The following RPH3AL variants were observed in gnomAD, a reference collection of about 807,000 sequenced individuals.
The protein encoded by RPH3AL is rab effector Noc2.
A neutral mutation model predicts 43.1 loss-of-function variants in RPH3AL; 38 were observed. That is an observed-to-expected ratio of 0.88 (90% CI 0.68 to 1.15). The LOEUF is 1.15. Ranked by LOEUF, RPH3AL falls within the 50% of genes most tolerant of loss-of-function variation. The probability of loss-of-function intolerance (pLI) is 0.00; values close to 1 mark genes in which losing one functional copy is unlikely to be tolerated. For missense variants in RPH3AL, 462 were observed against 423.2 expected, an observed-to-expected ratio of 1.09 and a Z score of -0.81; for synonymous variants, 189 against 176.3, an observed-to-expected ratio of 1.07 and a Z score of -0.57.
Position 245,267 on chromosome 17 carries a change from A to G in RPH3AL, c.613+1844T>C, listed in dbSNP as rs1394996843. 8.8e-6 allele frequency among the ~76,000 whole-genome samples: 1 copy of G among 113,430 alleles called. No homozygotes were observed. Among genetic ancestry groups the G allele is most frequent in the African/African-American group, 3.4e-5 (1 of 29,296 alleles). The allele number at this position is 113,430 out of a possible 152,430, so 74.4% of individuals were successfully genotyped here. ...TGAGAGCATGTGTGTGTGCACGTGG[A>G]TGTCAGTGTGTGTGTACGTGGGTGT... is the stretch of plus-strand genomic sequence containing the variant. On this transcript the variant is annotated intron_variant, in intron 7 of 9. Transcript: ENST00000331302. The surrounding 1 kb of genome is among the most constrained non-coding windows in gnomAD (Gnocchi z 5.9).
At position 217,181 on chromosome 17, in the gene RPH3AL, T is replaced by G. The variant is rs561413322; in HGVS notation, c.728-1379A>C. Among the ~76,000 whole-genome samples the G allele has an allele frequency of 2.9e-3, 425 of 146,658 alleles. 2 individuals are homozygous for G. The highest frequency in any genetic ancestry group is 0.01 in the African/African-American group (393 of 38,274). Reference sequence around the variant, plus strand: ...TTATTACAGAGCCCTTCTTCTGCGCTAAAATTGGCCTCACTGAAATCAGGA... The same window carrying G: ...TTATTACAGAGCCCTTCTTCTGCGCGAAAATTGGCCTCACTGAAATCAGGA... On this transcript the variant is annotated intron_variant, in intron 8 of 9. Transcript: ENST00000331302.
chr17:289,649 G>A lies in RPH3AL; in HGVS notation c.352-7795C>T, dbSNP rs1260522789. On this transcript the variant is annotated intron_variant, in intron 5 of 9. Coordinates refer to ENST00000331302, the MANE Select transcript of RPH3AL (RefSeq NM_006987.4). The surrounding 1 kb of genome is among the most constrained non-coding windows in gnomAD (Gnocchi z 5.2). ...GGGTGACCACCGCCTCACTTCATACGGCATTCGGGCCGGCCCTGCCTCCTG... is the reference window on the plus strand; with the variant it reads ...GGGTGACCACCGCCTCACTTCATACAGCATTCGGGCCGGCCCTGCCTCCTG... 5.9e-5 allele frequency among the ~76,000 whole-genome samples: 9 copies of A among 152,162 alleles called. No individual in the cohort carries two copies. The highest frequency in any genetic ancestry group is 1.5e-5 in the Non-Finnish European group (1 of 68,028).
chr17:332,871 A>C, intron 2 of RPH3AL: 1 of 566,722 alleles, frequency 1.8e-6, no homozygotes, highest in South Asian at 1.9e-5. Context: ...TGGCCGGCCC[A>C]GCAGGCAGAT....
chr17:305,892 T>C (rs1270578427), intron 5 of RPH3AL, among the ~76,000 whole-genome samples: 2 of 139,614 alleles, frequency 1.4e-5, no homozygotes, highest in African/African-American at 5.3e-5. Flanking sequence ...TCACCCAGGC[T>C]GGAGTTCAGT....
At chr17:338,737 G>A (rs2045029710) in intron 1 of RPH3AL, 1 of 152,220 alleles carries the variant, frequency 6.6e-6, no homozygotes. Context: ...GTCCCAGGCA[G>A]GCAGAATCTT....
rs528390317 is a variant in RPH3AL, at chr17:307,476, C to T, written c.351+11944G>A. ...TCTGCCCCACGCTCATCCCTGCCTT[C>T]TACTTCTACAGCACTCCTCACACTG... On this transcript the variant is annotated intron_variant, in intron 5 of 9. Transcript: ENST00000331302. Among the ~76,000 whole-genome samples, 8 of 152,360 alleles carry T rather than the reference C, an allele frequency of 5.3e-5. No homozygotes were observed. The East Asian group carries it at 1.3e-3, about 26-fold the overall frequency.
At chr17:261,346 C>T (rs1277998218) in intron 6 of RPH3AL, among the ~76,000 whole-genome samples, 2 of 152,182 alleles carry the variant, frequency 1.3e-5, no homozygotes, top group Non-Finnish European at 2.9e-5. Flanking sequence ...GGAGAATGTG[C>T]TTCCTCTCTC....
chr17:321,271 C>T lies in RPH3AL; in HGVS notation c.221+1G>A. The T allele has an allele frequency of 6.2e-7, 1 of 1,606,194 alleles. No individual in the cohort carries two copies. Among genetic ancestry groups the T allele is most frequent in the South Asian group, 1.1e-5 (1 of 90,942 alleles). ...CTGAGCTGGCCCCGGCCCCGCCTCA[C>T]CCGATTCTCTGCTGCTCCAGGACGT... On this transcript the variant is annotated splice_donor_variant, in intron 4 of 9. Coordinates refer to ENST00000331302, the MANE Select transcript of RPH3AL (RefSeq NM_006987.4). LOFTEE classifies it high-confidence loss of function.
chr17:327,979 G>T (rs2044657548), intron 2 of RPH3AL, among the ~76,000 whole-genome samples: 1 of 152,160 alleles, frequency 6.6e-6, no homozygotes, highest in Admixed American at 6.5e-5. Flanking sequence ...GAGGGGCTGG[G>T]CTGGGGGGTG....
intron 5 of RPH3AL, among the ~76,000 whole-genome samples, chr17:318,079 C>G (rs73284693): frequency 0.097 from 14,740 of 152,128 alleles, 1,516 homozygotes; most frequent in African/African-American, 0.26. Flanking sequence ...ATAATAACTC[C>G]AGTCTTAAAA....
chr17:333,178 A>G lies in RPH3AL; in HGVS notation c.-37+581T>C. 1.7e-6 allele frequency: 2 copies of G among 1,159,092 alleles called. No homozygotes were observed. Among genetic ancestry groups the G allele is most frequent in the Non-Finnish European group, 2.2e-6 (2 of 912,846 alleles). The allele number at this position is 1,159,092 out of a possible 1,614,324, so 71.8% of individuals were successfully genotyped here. A position where few individuals can be genotyped will look rare whatever the true frequency, so the allele number is the denominator to read the frequency against. On this transcript the variant is annotated intron_variant, in intron 2 of 9. Coordinates refer to ENST00000331302, the MANE Select transcript of RPH3AL (RefSeq NM_006987.4). The surrounding 1 kb of genome is among the most constrained non-coding windows in gnomAD (Gnocchi z 4.5). ...CCACCCCGGGCGTTCGTCACTGCAG[A>G]CATCACTGCAGACACAGAGAAGGCC...
intron 5 of RPH3AL, among the ~76,000 whole-genome samples, chr17:308,139 G>A (rs957162350): frequency 2.6e-5 from 4 of 152,248 alleles, no homozygotes; most frequent in Admixed American, 2.6e-4. Context: ...ATTAGGTCAA[G>A]AGGAGAAAGG....
intron 3 of RPH3AL, among the ~76,000 whole-genome samples, chr17:324,122 G>A (rs1258588440): frequency 6.6e-6 from 1 of 152,200 alleles, no homozygotes; most frequent in Non-Finnish European, 1.5e-5. Context: ...AACGAGGTGC[G>A]GAACGTAGCT....
intron 7 of RPH3AL, among the ~76,000 whole-genome samples, chr17:227,201 G>A (rs185282457): frequency 1.9e-3 from 296 of 152,354 alleles, no homozygotes; most frequent in African/African-American, 6.6e-3. Context: ...CCTCAGCAGT[G>A]GCCAGCCCCA....
At position 219,743 on chromosome 17, in the gene RPH3AL, G is replaced by T. The variant is rs751662355; in HGVS notation, c.614-7C>A. On this transcript the variant is annotated splice_polypyrimidine_tract_variant and splice_region_variant and intron_variant, in intron 7 of 9. Coordinates refer to ENST00000331302, the MANE Select transcript of RPH3AL (RefSeq NM_006987.4). ...TCACTGTCACTGGAAACCACTGGAA[G>T]AGACAGACCACAGCACAGGAGGTCA... The T allele has an allele frequency of 7.5e-6, 12 of 1,607,674 alleles. No individual in the cohort carries two copies. Among genetic ancestry groups the T allele is most frequent in the Non-Finnish European group, 8.5e-6 (10 of 1,174,528 alleles).
intron 7 of RPH3AL, among the ~76,000 whole-genome samples, chr17:233,548 C>T (rs923836129): frequency 4.6e-5 from 7 of 152,146 alleles, no homozygotes; most frequent in Non-Finnish European, 7.4e-5. Context: ...AGTACAGTCA[C>T]ACAGACGTGA....
intron 7 of RPH3AL, among the ~76,000 whole-genome samples, chr17:232,827 G>A (rs1009412137): frequency 5.4e-5 from 7 of 130,180 alleles, no homozygotes; most frequent in African/African-American, 1.8e-4. Context: ...AGTCCTTTCC[G>A]GCGTGTGTGT....
intron 5 of RPH3AL, among the ~76,000 whole-genome samples, chr17:291,072 G>A (rs972350309): frequency 2.0e-5 from 3 of 152,234 alleles, no homozygotes; most frequent in East Asian, 1.9e-4. Context: ...GAAAACGTAC[G>A]CTGTGCTGTG....
At chr17:293,382 G>A (rs1221684393) in intron 5 of RPH3AL, among the ~76,000 whole-genome samples, 1 of 151,742 alleles carries the variant, frequency 6.6e-6, no homozygotes, top group Non-Finnish European at 1.5e-5. Context: ...CGGGGCTTCG[G>A]ATCATTTCTG....
Sources: gnomAD v4.1 joint callset for allele counts (sites outside exome capture counted in the v4.1 genomes callset) on GRCh38, gnomAD v4.1.1 for gene constraint, Gnocchi (gnomAD v3.1) non-coding constraint, MANE v1.5 for transcripts, NCBI Gene and HGNC (gene_info 2026-07-23, HGNC 2026-07-21) for gene names.